Variants in ZMIZ1 observed in about 807,000 individuals in gnomAD.
The protein encoded by ZMIZ1 is zinc finger MIZ-type containing 1.
A neutral mutation model predicts 113.9 loss-of-function variants in ZMIZ1; 17 were observed. That is an observed-to-expected ratio of 0.15 (90% confidence interval 0.10 to 0.22). The LOEUF is 0.22. Ranked by LOEUF, ZMIZ1 falls within the 10% of genes least tolerant of loss-of-function variation. The probability of loss-of-function intolerance (pLI) is 1.00; values close to 1 mark genes in which losing one functional copy is unlikely to be tolerated. For synonymous variants in ZMIZ1, 607 were observed against 603.1 expected (o/e 1.01, Z -0.09); for missense variants, 1,059 against 1,477.8 (o/e 0.72, Z 4.65).
intron 7 of ZMIZ1, among the ~76,000 whole-genome samples, chr10:79,243,014 G>A (rs1486046702): frequency 6.6e-6 from 1 of 150,556 alleles, no homozygotes; most frequent in African/African-American, 2.4e-5. Flanking sequence ...GGACGGCGAG[G>A]CTCGCGGGGC....
At chr10:79,229,481 G>C (rs1849312449) in intron 7 of ZMIZ1, among the ~76,000 whole-genome samples, 1 of 152,190 alleles carries the variant, frequency 6.6e-6, no homozygotes, top group African/African-American at 2.4e-5. Context: ...CTCCTGTAGG[G>C]AATTCCAGAG....
At chr10:79,240,678 A>T (rs1308765971) in intron 7 of ZMIZ1, among the ~76,000 whole-genome samples, 1 of 98,570 alleles carries the variant, frequency 1.0e-5, no homozygotes, top group African/African-American at 4.7e-5. Flanking sequence ...TTACCTGGGG[A>T]AAGTCTAAAA....
intron 1 of ZMIZ1, among the ~76,000 whole-genome samples, chr10:79,074,025 G>A (rs959086749): frequency 2.6e-5 from 4 of 152,200 alleles, no homozygotes; most frequent in Non-Finnish European, 2.9e-5. Context: ...TGCCACGGGC[G>A]CGTGATGACA....
intron 8 of ZMIZ1, among the ~76,000 whole-genome samples, chr10:79,286,062 C>T (rs1853056754): frequency 6.6e-6 from 1 of 152,162 alleles, no homozygotes; most frequent in African/African-American, 2.4e-5. Context: ...CTGGGAGCAG[C>T]TTATGGTGTG....
chr10:79,091,802 G>A (rs1842989576), intron 1 of ZMIZ1, among the ~76,000 whole-genome samples: 1 of 152,176 alleles, frequency 6.6e-6, no homozygotes, highest in South Asian at 2.1e-4. Flanking sequence ...TGGGACCCCA[G>A]AAGGAAGCCA....
intron 14 of ZMIZ1, among the ~76,000 whole-genome samples, chr10:79,297,969 C>T (rs957234837): frequency 6.6e-6 from 1 of 152,146 alleles, no homozygotes; most frequent in Non-Finnish European, 1.5e-5. Context: ...CTGCAGGCCC[C>T]GACTCCACCT....
rs116070591 is a variant in ZMIZ1, at chr10:79,197,409, C to T, written c.-49-4175C>T. 4.6e-3 allele frequency among the ~76,000 whole-genome samples: 698 copies of T among 152,320 alleles called. 4 individuals are homozygous for T. The highest frequency in any genetic ancestry group is 0.016 in the African/African-American group (670 of 41,572). ...AAGGTGGCACTGTCTTGCTCCTGCT[C>T]TGGGCTCTCTGTGTCCTTGTCTTCC... On this transcript the variant is annotated intron_variant, in intron 4 of 24. Transcript: ENST00000334512.
chr10:79,284,436 A>AT (rs980129983), intron 8 of ZMIZ1, among the ~76,000 whole-genome samples: 222 of 152,026 alleles, frequency 1.5e-3, no homozygotes, highest in African/African-American at 4.8e-3. Context: ...TGAGAAGCAC[A>AT]TTTTTTCTAG....
chr10:79,102,483 G>A (rs917221867), intron 1 of ZMIZ1, among the ~76,000 whole-genome samples: 2 of 152,228 alleles, frequency 1.3e-5, no homozygotes, highest in African/African-American at 2.4e-5. Flanking sequence ...GGTGTGTGTG[G>A]GGGTCTCAGC....
At position 79,143,460 on chromosome 10, in the gene ZMIZ1, C is replaced by A. The variant is rs546055315; in HGVS notation, c.-131+3683C>A. Among the ~76,000 whole-genome samples, 4 of 152,284 alleles carry A rather than the reference C, an allele frequency of 2.6e-5. No individual in the cohort carries two copies. In the East Asian group the frequency reaches 7.7e-4, roughly 29 times the overall value. ...CTTGTCAGATGCTCTTCCCCTTCAG[C>A]GTGCAGCTCTAGTCCCACCTTCTCC... On this transcript the variant is annotated intron_variant, in intron 3 of 24. Transcript: ENST00000334512.
intron 2 of ZMIZ1, among the ~76,000 whole-genome samples, chr10:79,128,808 G>A (rs566711246): frequency 2.0e-5 from 3 of 150,052 alleles, no homozygotes; most frequent in South Asian, 4.3e-4. Context: ...AGCATCTCCC[G>A]GGCTTTGGGA....
chr10:79,107,330 G>A (rs1462087222), intron 1 of ZMIZ1, among the ~76,000 whole-genome samples: 1 of 152,246 alleles, frequency 6.6e-6, no homozygotes, highest in African/African-American at 2.4e-5. Flanking sequence ...TTCTGGCCGT[G>A]TGACTTTTGG....
chr10:79,071,515 G>A (rs1842286829), intron 1 of ZMIZ1, among the ~76,000 whole-genome samples: 1 of 152,244 alleles, frequency 6.6e-6, no homozygotes, highest in Non-Finnish European at 1.5e-5. Context: ...TGAAGCTGCT[G>A]TTGAGCTATC....
chr10:79,185,172 T>C (rs1186614782), intron 4 of ZMIZ1, among the ~76,000 whole-genome samples: 1 of 152,176 alleles, frequency 6.6e-6, no homozygotes, highest in Non-Finnish European at 1.5e-5. Context: ...GCTGGACTTC[T>C]CTGTTGCCAG....
At chr10:79,181,257 A>C (rs1251898909) in intron 4 of ZMIZ1, among the ~76,000 whole-genome samples, 1 of 152,104 alleles carries the variant, frequency 6.6e-6, no homozygotes, top group African/African-American at 2.4e-5. Context: ...TCAGGTCACC[A>C]TTCTCTTCTC....
chr10:79,081,646 C>T (rs1842661993), intron 1 of ZMIZ1, among the ~76,000 whole-genome samples: 1 of 152,228 alleles, frequency 6.6e-6, no homozygotes, highest in Admixed American at 6.5e-5. Flanking sequence ...CAGCTCCTTA[C>T]TGAGCTCCTC....
At position 79,307,842 on chromosome 10, in the gene ZMIZ1, A is replaced by C. The variant is rs1589615665; in HGVS notation, c.2835+271A>C. On this transcript the variant is annotated intron_variant, in intron 23 of 24. Coordinates refer to ENST00000334512, the MANE Select transcript of ZMIZ1 (RefSeq NM_020338.4). ...CTCACCACCCCATGCATACACACAC[A>C]CGTGCATGCACTCGCCACTACCCAG... Among the ~76,000 whole-genome samples the C allele has an allele frequency of 2.0e-5, 3 of 151,940 alleles. No individual in the cohort carries two copies. In the East Asian group the frequency reaches 5.8e-4, roughly 29 times the overall value.
intron 4 of ZMIZ1, among the ~76,000 whole-genome samples, chr10:79,175,504 CCT>C (rs1258873333): frequency 6.7e-6 from 1 of 150,024 alleles, no homozygotes; most frequent in African/African-American, 2.4e-5. Flanking sequence ...CAGGAGGCCT[CCT>C]CTCTATCGCT....
chr10:79,127,639 C>T (rs1844577119), intron 2 of ZMIZ1, among the ~76,000 whole-genome samples: 1 of 152,124 alleles, frequency 6.6e-6, no homozygotes, highest in South Asian at 2.1e-4. Flanking sequence ...TGAGACTTGA[C>T]CAGGGTCACA....
Sources: gnomAD v4.1 joint callset for allele counts (sites outside exome capture counted in the v4.1 genomes callset) on GRCh38, gnomAD v4.1.1 for gene constraint, MANE v1.5 for transcripts, NCBI Gene and HGNC (gene_info 2026-07-23, HGNC 2026-07-21) for gene names.